Variants in PAPPA2 observed in about 807,000 individuals in gnomAD.
PAPPA2 encodes pappalysin 2.
In PAPPA2, 86 loss-of-function variants were observed where a neutral mutation model predicts 176.4. The observed-to-expected ratio is 0.49, with a 90% CI of 0.41 to 0.58. The LOEUF is 0.58. Ranked by LOEUF, PAPPA2 falls within the 20% of genes least tolerant of loss-of-function variation. The probability of loss-of-function intolerance (pLI) is 0.00; values close to 1 mark genes in which losing one functional copy is unlikely to be tolerated. For missense variants in PAPPA2, 2,073 were observed against 2,256.9 expected (o/e 0.92, Z 1.65); for synonymous variants, 809 against 852.2 (o/e 0.95, Z 0.88).
chr1:176,697,125 T>C (rs1228953371), intron 7 of PAPPA2, among the ~76,000 whole-genome samples: 1 of 152,108 alleles, frequency 6.6e-6, no homozygotes, highest in African/African-American at 2.4e-5. Flanking sequence ...TTTTTATTTC[T>C]AGGGGGAAAA....
In PAPPA2 at chr1:176,556,194, G is replaced by T; in HGVS notation, c.-129G>T. On this transcript the variant is annotated 5_prime_UTR_variant, in exon 2 of 23. Coordinates refer to ENST00000367662, the MANE Select transcript of PAPPA2 (RefSeq NM_020318.3). The stretch of plus-strand genomic sequence containing the variant: ...TCTTGGGGCTATTTGAAAAAGTTTG[G>T]TCTGTGAACAAAACAGTTTCCCTGG... 1 of 1,133,950 alleles carries T rather than the reference G, an allele frequency of 8.8e-7. No individual in the cohort carries two copies. Among genetic ancestry groups the T allele is most frequent in the Non-Finnish European group, 1.3e-6 (1 of 799,244 alleles). The allele number at this position is 1,133,950 out of a possible 1,614,324, so 70.2% of individuals were successfully genotyped here.
chr1:176,529,949 T>A (rs1409238198), intron 1 of PAPPA2, among the ~76,000 whole-genome samples: 1 of 152,126 alleles, frequency 6.6e-6, no homozygotes, highest in Non-Finnish European at 1.5e-5. Flanking sequence ...GGAGAAGCAA[T>A]ACCAATGGAC....
Position 176,594,612 on chromosome 1 carries a change from T to C in PAPPA2, c.1008T>C (p.Ala336=), listed in dbSNP as rs780823082. ...RSGKDKGKRD[A]RFFFSLCTDR... The stretch of plus-strand genomic sequence containing the variant: ...GGAAGGACAAGGGAAAGCGGGATGC[T>C]CGCTTCTTCTTCTCCCTCTGCACCG... The change falls in exon 3 of 23, where the codon GCT becomes GCC. Residue 336 remains alanine, a synonymous_variant. Transcript: ENST00000367662. The C allele has an allele frequency of 1.2e-6, 2 of 1,614,200 alleles. No individual in the cohort carries two copies. Among genetic ancestry groups the C allele is most frequent in the South Asian group, 2.2e-5 (2 of 91,082 alleles).
At chr1:176,813,946 C>A (rs1400744238) in intron 21 of PAPPA2, among the ~76,000 whole-genome samples, 6 of 152,026 alleles carry the variant, frequency 3.9e-5, no homozygotes, top group South Asian at 2.1e-4. Flanking sequence ...AATCCATCTT[C>A]TGTTAATTTT....
intron 3 of PAPPA2, among the ~76,000 whole-genome samples, chr1:176,610,349 G>C (rs1013623322): frequency 8.0e-5 from 12 of 150,764 alleles, no homozygotes; most frequent in East Asian, 6.1e-4. Flanking sequence ...GTGTGTGGGG[G>C]GGGGGAGTAG....
chr1:176,665,939 G>T (rs555122638), intron 3 of PAPPA2, among the ~76,000 whole-genome samples: 3 of 152,270 alleles, frequency 2.0e-5, no homozygotes, highest in South Asian at 2.1e-4. Context: ...GCTAGGAAAA[G>T]AATAAGAATC....
chr1:176,575,118 G>A (rs1314917630), intron 2 of PAPPA2, among the ~76,000 whole-genome samples: 2 of 152,172 alleles, frequency 1.3e-5, no homozygotes, highest in Admixed American at 6.5e-5. Flanking sequence ...GGCCAAGGAA[G>A]CTTCCTTAGG....
chr1:176,628,093 C>T (rs920785390), intron 3 of PAPPA2, among the ~76,000 whole-genome samples: 1 of 152,110 alleles, frequency 6.6e-6, no homozygotes, highest in Non-Finnish European at 1.5e-5. Context: ...ATCCAGACAC[C>T]ATATTTCCAT....
chr1:176,733,009 A>G (rs141119779), intron 12 of PAPPA2, among the ~76,000 whole-genome samples: 2 of 152,130 alleles, frequency 1.3e-5, no homozygotes, highest in African/African-American at 4.8e-5. Context: ...AGCAAACCCT[A>G]TTGTGAACTG....
At chr1:176,580,265 A>C (rs1652885737) in intron 2 of PAPPA2, among the ~76,000 whole-genome samples, 1 of 152,306 alleles carries the variant, frequency 6.6e-6, no homozygotes, top group African/African-American at 2.4e-5. Flanking sequence ...GAAATGTTTA[A>C]CTTTCTGTTC....
At chr1:176,786,760 T>C (rs977093910) in intron 17 of PAPPA2, among the ~76,000 whole-genome samples, 1 of 152,200 alleles carries the variant, frequency 6.6e-6, no homozygotes, top group Non-Finnish European at 1.5e-5. Flanking sequence ...TTGAATAAGC[T>C]TTAATTTTCT....
At chr1:176,598,022 C>A (rs1654077229) in intron 3 of PAPPA2, among the ~76,000 whole-genome samples, 1 of 152,116 alleles carries the variant, frequency 6.6e-6, no homozygotes, top group African/African-American at 2.4e-5. Flanking sequence ...TGTTTTGAAC[C>A]TTTATTCATA....
intron 1 of PAPPA2, among the ~76,000 whole-genome samples, chr1:176,474,950 A>C (rs534189291): frequency 6.6e-6 from 1 of 152,374 alleles, no homozygotes; most frequent in South Asian, 2.1e-4. Flanking sequence ...GTACAGTGTG[A>C]ATACATCTTT....
intron 19 of PAPPA2, 103 bp downstream of exon 19, chr1:176,791,585 G>T: frequency 1.5e-6 from 2 of 1,354,912 alleles, no homozygotes; most frequent in Non-Finnish European, 1.0e-6. Context: ...ACGGAGTCTT[G>T]CTCTGTCGCC....
At chr1:176,485,267 A>G (rs938399100) in intron 1 of PAPPA2, among the ~76,000 whole-genome samples, 12 of 152,332 alleles carry the variant, frequency 7.9e-5, no homozygotes, top group Admixed American at 5.2e-4. Flanking sequence ...AAAAGTCCTT[A>G]TTAATAATGG....
chr1:176,622,155 T>G (rs3795320), intron 3 of PAPPA2, among the ~76,000 whole-genome samples: 39,640 of 152,086 alleles, frequency 0.26, 5,202 homozygotes, highest in South Asian at 0.33. Flanking sequence ...ACACTGGGGT[T>G]ATTTCAGGCA....
At chr1:176,581,879 G>T (rs1450346720) in intron 2 of PAPPA2, among the ~76,000 whole-genome samples, 4 of 147,706 alleles carry the variant, frequency 2.7e-5, no homozygotes, top group African/African-American at 2.5e-5. Context: ...TTTTGGGGGG[G>T]TGGAGTCTTT....
At chr1:176,737,797 C>T (rs947393366) in intron 12 of PAPPA2, among the ~76,000 whole-genome samples, 4 of 152,002 alleles carry the variant, frequency 2.6e-5, no homozygotes, top group Non-Finnish European at 5.9e-5. Context: ...GTTTAGGCAG[C>T]GACGTTCAAA....
At chr1:176,475,929 G>T (rs1296905584) in intron 1 of PAPPA2, among the ~76,000 whole-genome samples, 2 of 152,158 alleles carry the variant, frequency 1.3e-5, no homozygotes, top group East Asian at 3.8e-4. Context: ...ATGAGAAACA[G>T]AAACCAATAA....
Sources: gnomAD v4.1 joint callset for allele counts (sites outside exome capture counted in the v4.1 genomes callset) on GRCh38, gnomAD v4.1.1 for gene constraint, MANE v1.5 for transcripts, NCBI Gene and HGNC (gene_info 2026-07-23, HGNC 2026-07-21) for gene names.